Variants in RIN3 observed in about 807,000 individuals in gnomAD.
RIN3 encodes Ras and Rab interactor 3.
Under a neutral mutation model 76.3 loss-of-function variants are expected in RIN3, and 54 were observed. That is an observed-to-expected ratio of 0.71 (90% CI 0.57 to 0.89). RIN3 has a LOEUF of 0.89. Ranked by LOEUF, RIN3 falls within the 40% of genes least tolerant of loss-of-function variation. The pLI, the probability that RIN3 is intolerant of heterozygous loss-of-function variation, is 0.00. For synonymous variants in RIN3, 576 were observed against 564.0 expected (o/e 1.02, Z -0.30); for missense variants, 1,256 against 1,322.1 (o/e 0.95, Z 0.78).
chr14:92,652,099 C>G lies in RIN3; in HGVS notation c.1050C>G (p.Gly350=). ...TCERLPCPTA[G]LGPLREEAMK... ...AGAGACTCCCATGCCCCACTGCAGGCCTGGGCCCCCTCAGGGAGGAAGCGA... is the reference window on the plus strand; with the variant it reads ...AGAGACTCCCATGCCCCACTGCAGGGCTGGGCCCCCTCAGGGAGGAAGCGA... The change falls in exon 6 of 10, where the codon GGC becomes GGG. Residue 350 remains glycine (G), a synonymous_variant. Coordinates refer to ENST00000216487, the MANE Select transcript of RIN3 (RefSeq NM_024832.5). This position sits in a 1 kb window ranked among gnomAD's most constrained non-coding sequence, Gnocchi z 6.4. 2 of 1,606,218 alleles carry G rather than the reference C, an allele frequency of 1.2e-6. No homozygotes were observed. The highest frequency in any genetic ancestry group is 1.7e-6 in the Non-Finnish European group (2 of 1,179,832).
At chr14:92,536,316 C>T (rs188122832) in intron 1 of RIN3, among the ~76,000 whole-genome samples, 9 of 152,298 alleles carry the variant, frequency 5.9e-5, no homozygotes, top group South Asian at 2.1e-4. Context: ...TTGTCTTCCA[C>T]GCCATGGACA....
chr14:92,551,744 GTCT>G (rs1399450657), intron 1 of RIN3, among the ~76,000 whole-genome samples: 3 of 152,302 alleles, frequency 2.0e-5, no homozygotes, highest in East Asian at 1.9e-4. Context: ...CCATTTGTAT[GTCT>G]TCTTCTTTGA....
At position 92,685,075 on chromosome 14, in the gene RIN3, G is replaced by A. The variant is rs1888801286; in HGVS notation, c.2556G>A (p.Glu852=). ...CGGTGACCCGGCAGCTGAGTGTGGA[G>A]GTGCAGGACTCCATCCACCGCTGGG... ...KITVTRQLSV[E]VQDSIHRWER... The change falls in exon 9 of 10, where the codon GAG becomes GAA. Residue 852 remains glutamate (E), a synonymous_variant. Transcript: ENST00000216487. The surrounding 1 kb of genome is among the most constrained non-coding windows in gnomAD (Gnocchi z 4.7). 6.2e-7 allele frequency: 1 copy of A among 1,613,944 alleles called. No individual in the cohort carries two copies. The highest frequency in any genetic ancestry group is 8.5e-7 in the Non-Finnish European group (1 of 1,179,978).
intron 9 of RIN3, chr14:92,687,635 TGGG>T: frequency 2.2e-6 from 1 of 458,692 alleles, no homozygotes; most frequent in South Asian, 3.0e-5. Context: ...GAATGAATGA[TGGG>T]GAGCCTGTGG....
intron 1 of RIN3, among the ~76,000 whole-genome samples, chr14:92,549,172 C>G (rs1169276690): frequency 6.6e-6 from 1 of 152,194 alleles, no homozygotes; most frequent in African/African-American, 2.4e-5. Flanking sequence ...TGTAGACCCC[C>G]TTTGTCTTGT....
At chr14:92,585,223 C>T (rs1457235899) in intron 3 of RIN3, among the ~76,000 whole-genome samples, 5 of 151,996 alleles carry the variant, frequency 3.3e-5, no homozygotes, top group Non-Finnish European at 7.4e-5. Flanking sequence ...GTTGTCCGGG[C>T]TGGTCTCAAA....
At chr14:92,646,253 G>T (rs909846674) in intron 5 of RIN3, among the ~76,000 whole-genome samples, 1 of 152,060 alleles carries the variant, frequency 6.6e-6, no homozygotes, top group African/African-American at 2.4e-5. Context: ...CCTTTCCTCC[G>T]CTTGCCGTGC....
intron 7 of RIN3, among the ~76,000 whole-genome samples, chr14:92,662,271 G>A (rs1384142358): frequency 3.3e-5 from 4 of 119,822 alleles, no homozygotes; most frequent in Non-Finnish European, 5.1e-5. Flanking sequence ...GCTCAGAGGT[G>A]TCCTACAGGG....
Position 92,513,888 on chromosome 14 carries a change from C to G in RIN3, c.-45C>G. The stretch of plus-strand genomic sequence containing the variant: ...CCGGGACTCCGCGTTCCGCGCGGCC[C>G]GGCGCCTGAGCGCCTCCGTTCCCCG... On this transcript the variant is annotated 5_prime_UTR_variant, in exon 1 of 10. Coordinates refer to ENST00000216487, the MANE Select transcript of RIN3 (RefSeq NM_024832.5). 8.0e-7 allele frequency: 1 copy of G among 1,246,616 alleles called. No homozygotes were observed. The highest frequency in any genetic ancestry group is 4.2e-5 in the Admixed American group (1 of 23,820). 77.2% of individuals were successfully genotyped at this position (1,246,616 alleles called of 1,614,324 possible).
intron 3 of RIN3, among the ~76,000 whole-genome samples, chr14:92,583,748 C>G (rs1236267005): frequency 2.0e-5 from 3 of 152,214 alleles, no homozygotes; most frequent in Non-Finnish European, 2.9e-5. Flanking sequence ...TGATCTCATT[C>G]ATTTTAATGG....
chr14:92,555,434 G>A (rs2281967), intron 1 of RIN3, among the ~76,000 whole-genome samples: 14,512 of 152,058 alleles, frequency 0.095, 723 homozygotes, highest in East Asian at 0.18. Context: ...AGTTCTGTCC[G>A]GTTTAAGAGA....
chr14:92,605,557 G>A (rs115821593), intron 3 of RIN3, among the ~76,000 whole-genome samples: 2,107 of 152,262 alleles, frequency 0.014, 51 homozygotes, highest in African/African-American at 0.049. Context: ...ATTAACAAAC[G>A]CTCACACTTC....
Position 92,652,241 on chromosome 14 carries a change from G to A in RIN3, c.1192G>A (p.Glu398Lys), listed in dbSNP as rs779255943. The A allele has an allele frequency of 1.1e-5, 18 of 1,610,842 alleles. No individual in the cohort carries two copies. The Middle Eastern group carries it at 2.0e-3, about 178-fold the overall frequency. ...RRRVSERVSL[E>K]DQSPGMAAEG... ...CCGCGTTTCCGAGAGGGTGTCCTTAGAAGACCAAAGTCCGGGGATGGCGGC... is the reference window on the plus strand; with the variant it reads ...CCGCGTTTCCGAGAGGGTGTCCTTAAAAGACCAAAGTCCGGGGATGGCGGC... The change falls in exon 6 of 10, where the codon GAA (glutamate) becomes AAA (lysine). Residue 398 changes from glutamate (E) to lysine (K), a missense_variant. By Grantham distance (56) the Glu-to-Lys change is moderately conservative. This residue lies in a region of RIN3 where 610 missense variants were observed against 626.4 expected (regional missense o/e 0.97). Coordinates refer to ENST00000216487, the MANE Select transcript of RIN3 (RefSeq NM_024832.5). This position sits in a 1 kb window ranked among gnomAD's most constrained non-coding sequence, Gnocchi z 6.4.
In RIN3 at chr14:92,653,049, C is replaced by T. The variant is rs930003780; in HGVS notation, c.2000C>T (p.Pro667Leu). 5 of 1,606,170 alleles carry T rather than the reference C, an allele frequency of 3.1e-6. No homozygotes were observed. The Admixed American group carries it at 5.0e-5, about 16-fold the overall frequency. Residue 667 changes from proline to leucine, a missense_variant, in exon 6 of 10, where the codon CCC (proline) becomes CTC (leucine). Transcript: ENST00000216487. ...QSTELKALVD[P>L]ALHSEEELEA... ...ACCGAGCTCAAGGCCCTGGTGGACC[C>T]CGCCCTGCACTCCGAGGAGGAGCTC...
At chr14:92,667,288 G>A (rs768372817) in intron 7 of RIN3, among the ~76,000 whole-genome samples, 7 of 152,168 alleles carry the variant, frequency 4.6e-5, no homozygotes, top group Non-Finnish European at 7.4e-5. Flanking sequence ...CAAGGCGGGC[G>A]GATCATGAGG....
At chr14:92,538,329 C>T (rs1459279243) in intron 1 of RIN3, among the ~76,000 whole-genome samples, 1 of 152,206 alleles carries the variant, frequency 6.6e-6, no homozygotes, top group African/African-American at 2.4e-5. Flanking sequence ...CTGAACATCC[C>T]AAATTGCTTT....
chr14:92,543,164 C>T (rs1897164905), intron 1 of RIN3, among the ~76,000 whole-genome samples: 1 of 152,000 alleles, frequency 6.6e-6, no homozygotes, highest in Non-Finnish European at 1.5e-5. Flanking sequence ...CTCTGGGTTG[C>T]TGTGTGGAAG....
Position 92,555,973 on chromosome 14 carries a change from C to G in RIN3, c.249+18C>G. On this transcript the variant is annotated intron_variant, in intron 2 of 9. Transcript: ENST00000216487. ...TGGCTGGGGTGAGTGGGGGCGTCTC[C>G]CACTTGGTAGGCACACACACCTGTG... 3 of 1,605,934 alleles carry G rather than the reference C, an allele frequency of 1.9e-6. No individual in the cohort carries two copies. The highest frequency in any genetic ancestry group is 2.5e-6 in the Non-Finnish European group (3 of 1,177,224).
At chr14:92,547,403 T>G (rs1446785963) in intron 1 of RIN3, among the ~76,000 whole-genome samples, 1 of 149,380 alleles carries the variant, frequency 6.7e-6, no homozygotes, top group Non-Finnish European at 1.5e-5. Flanking sequence ...TTTATTATTT[T>G]ATTATTATTG....
Sources: gnomAD v4.1 joint callset for allele counts (sites outside exome capture counted in the v4.1 genomes callset) on GRCh38, gnomAD v4.1.1 for gene constraint, gnomAD v4.1.1 regional missense constraint, Gnocchi (gnomAD v3.1) non-coding constraint, MANE v1.5 for transcripts, NCBI Gene and HGNC (gene_info 2026-07-23, HGNC 2026-07-21) for gene names.